The following PTAR1 variants were observed in gnomAD, a reference collection of about 807,000 sequenced individuals.
PTAR1 encodes protein prenyltransferase alpha subunit repeat containing 1.
In PTAR1, 17 loss-of-function variants were observed where a neutral mutation model predicts 45.5. The ratio of observed to expected loss-of-function variants is 0.37; its 90% CI spans 0.26 to 0.56. PTAR1 has a LOEUF of 0.56. Ranked by LOEUF, PTAR1 falls within the 20% of genes least tolerant of loss-of-function variation. PTAR1 has a pLI of 0.77. For missense variants in PTAR1, 391 were observed against 476.3 expected (o/e 0.82, Z 1.67); for synonymous variants, 169 against 171.3 (o/e 0.99, Z 0.11).
chr9:69,723,740 C>T, intron 5 of PTAR1, 110 bp from the exon 6 acceptor site: 1 of 839,838 alleles, frequency 1.2e-6, no homozygotes, highest in Non-Finnish European at 1.8e-6. Flanking sequence ...CAAGACCATT[C>T]TTACCAATAT....
Position 69,715,586 on chromosome 9 carries a change from G to C in PTAR1, c.*2756C>G, listed in dbSNP as rs1824697623. The C allele has an allele frequency of 6.6e-6, 1 of 152,032 alleles. No homozygotes were observed. Among genetic ancestry groups the C allele is most frequent in the African/African-American group, 2.4e-5 (1 of 41,418 alleles). 9.4% of individuals were successfully genotyped at this position (152,032 alleles called of 1,614,324 possible). ...TAGGATGACCCACTGTTCTTCCAGT[G>C]AAAGTTTAATGAAATATGTGTCAAT... On this transcript the variant is annotated 3_prime_UTR_variant, in exon 8 of 8. Transcript: ENST00000340434.
At chr9:69,736,564 C>G (rs947092431) in intron 3 of PTAR1, among the ~76,000 whole-genome samples, 1 of 152,114 alleles carries the variant, frequency 6.6e-6, no homozygotes, top group African/African-American at 2.4e-5. Flanking sequence ...GTTTAAAAAA[C>G]AACTACTATA....
intron 1 of PTAR1, chr9:69,758,637 C>CA (rs1826911312): frequency 2.7e-6 from 1 of 375,658 alleles, no homozygotes; most frequent in African/African-American, 2.1e-5. Flanking sequence ...CACAGTTGCA[C>CA]GTCTCCAATT....
At position 69,718,355 on chromosome 9, in the gene PTAR1, G is replaced by A. The variant is rs1229951829; in HGVS notation, c.1196C>T (p.Thr399Ile). ...FASAYRKWLV[T>I]LSQ ...AATTCACCTCTTTCATTGACTCAAAGTAACCAGCCATTTCCTGTATGCACT... is the reference window on the plus strand; with the variant it reads ...AATTCACCTCTTTCATTGACTCAAAATAACCAGCCATTTCCTGTATGCACT... Residue 399 changes from threonine (T) to isoleucine (I), a missense_variant, in exon 8 of 8, where the codon ACT becomes ATT. Thr to Ile is a moderately conservative substitution (Grantham distance 89). Transcript: ENST00000340434. 6.2e-7 allele frequency: 1 copy of A among 1,601,762 alleles called. No homozygotes were observed. Among genetic ancestry groups the A allele is most frequent in the Non-Finnish European group, 8.5e-7 (1 of 1,171,936 alleles).
chr9:69,727,026 T>TACACACACACAC (rs71356128), intron 5 of PTAR1, among the ~76,000 whole-genome samples: 3 of 147,104 alleles, frequency 2.0e-5, no homozygotes, highest in African/African-American at 2.5e-5. Context: ...ATTGTGTATA[T>TACACACACACAC]ACACACACAC....
chr9:69,720,848 C>T (rs1005546729), intron 6 of PTAR1, among the ~76,000 whole-genome samples: 6 of 152,102 alleles, frequency 3.9e-5, no homozygotes, highest in Non-Finnish European at 5.9e-5. Flanking sequence ...TATTTTGATC[C>T]CACTGTTGAG....
At chr9:69,744,397 T>TC (rs1291707302) in intron 2 of PTAR1, among the ~76,000 whole-genome samples, 1 of 152,038 alleles carries the variant, frequency 6.6e-6, no homozygotes, top group African/African-American at 2.4e-5. Context: ...TTTTTTTTTT[T>TC]TTCTCTGAGA....
chr9:69,747,673 C>T (rs1252581819), intron 2 of PTAR1, among the ~76,000 whole-genome samples: 2 of 152,176 alleles, frequency 1.3e-5, no homozygotes, highest in Non-Finnish European at 1.5e-5. Context: ...CTGTATGTCC[C>T]AGCCAACTAT....
At position 69,710,654 on chromosome 9, in the gene PTAR1, G is replaced by A. The variant is rs1824489616; in HGVS notation, c.*7688C>T. 2 of 152,104 alleles carry A rather than the reference G, an allele frequency of 1.3e-5. No homozygotes were observed. The highest frequency in any genetic ancestry group is 6.6e-5 in the Admixed American group (1 of 15,250). 9.4% of individuals were successfully genotyped at this position (152,104 alleles called of 1,614,324 possible). A position where few individuals can be genotyped will look rare whatever the true frequency, so the allele number is the denominator to read the frequency against. On this transcript the variant is annotated 3_prime_UTR_variant, in exon 8 of 8. Coordinates refer to ENST00000340434, the MANE Select transcript of PTAR1 (RefSeq NM_001099666.2). ...ACAAAATATTGAATCCTTAACAAAT[G>A]TCAATTAGTATATGGAGAGAGCTAA...
intron 5 of PTAR1, among the ~76,000 whole-genome samples, chr9:69,726,290 C>A (rs116877310): frequency 6.6e-6 from 1 of 152,122 alleles, no homozygotes; most frequent in East Asian, 1.9e-4. Flanking sequence ...CTGGGATATT[C>A]TTTTGTACCA....
chr9:69,739,289 T>C (rs1449773299), intron 3 of PTAR1, among the ~76,000 whole-genome samples: 1 of 152,154 alleles, frequency 6.6e-6, no homozygotes, highest in African/African-American at 2.4e-5. Context: ...ACTATTCTAG[T>C]TGCTCAAAGG....
At position 69,721,012 on chromosome 9, in the gene PTAR1, A is replaced by G. The variant is rs117001627; in HGVS notation, c.947+2314T>C. 8.0e-3 allele frequency among the ~76,000 whole-genome samples: 1,225 copies of G among 152,336 alleles called. 9 individuals carry two copies. Among genetic ancestry groups the G allele is most frequent in the Non-Finnish European group, 0.012 (798 of 68,036 alleles). Reference sequence around the variant, plus strand: ...CATTCATTCTCTAGTCCATGGATCAAGCAGAAACTTCAACTTTCAAGTCTT... The same window carrying G: ...CATTCATTCTCTAGTCCATGGATCAGGCAGAAACTTCAACTTTCAAGTCTT... On this transcript the variant is annotated intron_variant, in intron 6 of 7. Transcript: ENST00000340434.
intron 2 of PTAR1, among the ~76,000 whole-genome samples, chr9:69,749,195 G>A (rs1826414660): frequency 6.6e-6 from 1 of 152,138 alleles, no homozygotes; most frequent in African/African-American, 2.4e-5. Context: ...GAAGACCACA[G>A]AAAGGGTAGG....
At position 69,714,325 on chromosome 9, in the gene PTAR1, G is replaced by C. The variant is rs1277701903; in HGVS notation, c.*4017C>G. ...GCAAAATAATAGTTAGCTTAAAACA[G>C]CTTTTTAGAAAAAAAAAATCATGTT... On this transcript the variant is annotated 3_prime_UTR_variant, in exon 8 of 8. Transcript: ENST00000340434. 14 of 47,162 alleles carry C rather than the reference G, an allele frequency of 3.0e-4. No individual in the cohort carries two copies. Among genetic ancestry groups the C allele is most frequent in the Non-Finnish European group, 4.8e-5 (1 of 20,898 alleles). The allele number at this position is 47,162 out of a possible 1,614,324, so 2.9% of individuals were successfully genotyped here. A position where few individuals can be genotyped will look rare whatever the true frequency, so the allele number is the denominator to read the frequency against.
chr9:69,729,131 C>T lies in PTAR1; in HGVS notation c.642+3008G>A, dbSNP rs574880109. Among the ~76,000 whole-genome samples the T allele has an allele frequency of 5.3e-5, 8 of 152,062 alleles. No homozygotes were observed. In the South Asian group the frequency reaches 1.7e-3, roughly 32 times the overall value. ...GGTCAGGAGTTCAAGACCAGCCTGA[C>T]CAACATGGCGAAACCCCGTCTCTAC... On this transcript the variant is annotated intron_variant, in intron 5 of 7. Coordinates refer to ENST00000340434, the MANE Select transcript of PTAR1 (RefSeq NM_001099666.2).
intron 6 of PTAR1, among the ~76,000 whole-genome samples, chr9:69,719,180 T>C (rs1824870055): frequency 6.6e-6 from 1 of 152,106 alleles, no homozygotes; most frequent in South Asian, 2.1e-4. Context: ...TTGTAGTGGG[T>C]CTTATTCCCT....
At chr9:69,737,850 C>T (rs1825862250) in intron 3 of PTAR1, among the ~76,000 whole-genome samples, 1 of 152,140 alleles carries the variant, frequency 6.6e-6, no homozygotes, top group South Asian at 2.1e-4. Context: ...ACAATAGTTT[C>T]AGGTTCGTAA....
chr9:69,757,752 C>T (rs1826853704), intron 1 of PTAR1: 1 of 34,728 alleles, frequency 2.9e-5, no homozygotes, highest in Admixed American at 5.4e-4. Flanking sequence ...ATAAACAATG[C>T]CTTAAAAAAA....
At chr9:69,758,291 A>G (rs1236757621) in intron 1 of PTAR1, 4 of 152,218 alleles carry the variant, frequency 2.6e-5, no homozygotes. Context: ...TGATTACGAC[A>G]TTTTGTATTA....
Sources: gnomAD v4.1 joint callset for allele counts (sites outside exome capture counted in the v4.1 genomes callset) on GRCh38, gnomAD v4.1.1 for gene constraint, MANE v1.5 for transcripts, NCBI Gene and HGNC (gene_info 2026-07-23, HGNC 2026-07-21) for gene names.